PRIM2: variants seen among roughly 807,000 people sequenced by gnomAD.
PRIM2 encodes DNA primase large subunit.
PRIM2 carries 39 observed loss-of-function variants against 67.3 expected under a neutral mutation model. The observed-to-expected ratio is 0.58, with a 90% CI of 0.45 to 0.76. The LOEUF (loss-of-function observed/expected upper bound fraction) is 0.76. Among genes scored for constraint, PRIM2 ranks in the 30% least tolerant of loss-of-function variants. The pLI, the probability that PRIM2 is intolerant of heterozygous loss-of-function variation, is 0.00. For synonymous variants in PRIM2, 143 were observed against 198.7 expected (o/e 0.72, Z 2.36); for missense variants, 398 against 598.7 (o/e 0.66, Z 3.50).
intron 7 of PRIM2, chr6:57,435,286 C>A (rs957869187): frequency 1.3e-5 from 2 of 152,190 alleles, no homozygotes; most frequent in African/African-American, 4.8e-5. Context: ...TTTCTGTGAG[C>A]ACCACAGAAT....
chr6:57,274,537 T>G, the PRIM2 span, among the ~76,000 whole-genome samples: 1 of 152,212 alleles, frequency 6.6e-6, no homozygotes, highest in Admixed American at 6.5e-5. Context: ...ACCCCTTTCT[T>G]TGACTAGGAA....
chr6:57,432,316 A>G lies in PRIM2; in HGVS notation c.693+50148A>G, dbSNP rs1480778172. Among the ~76,000 whole-genome samples, 8 of 152,318 alleles carry G rather than the reference A, an allele frequency of 5.3e-5. 1 individual carries two copies. In the East Asian group the frequency reaches 1.2e-3, roughly 22 times the overall value. ...AAAGGAGGAAATTTCAAAACAGGAT[A>G]TGTATGTGGAAATACTAAGAATTGT... On this transcript the variant is annotated intron_variant, in intron 7 of 13. Coordinates refer to ENST00000615550, the MANE Select transcript of PRIM2 (RefSeq NM_000947.5).
At chr6:57,616,813 C>T (rs1366750791) in intron 12 of PRIM2, among the ~76,000 whole-genome samples, 2,745 of 152,268 alleles carry the variant, frequency 0.018, 90 homozygotes, top group African/African-American at 0.062. Flanking sequence ...CACCTCCTGC[C>T]GCCCCTAGAA....
intron 7 of PRIM2, among the ~76,000 whole-genome samples, chr6:57,460,409 T>C (rs542952190): frequency 1.3e-5 from 2 of 152,260 alleles, no homozygotes; most frequent in South Asian, 2.1e-4. Context: ...CCTTAGAGAA[T>C]TGAAGAGTCT....
chr6:57,462,995 A>G (rs1465126862), intron 7 of PRIM2, among the ~76,000 whole-genome samples: 12 of 152,194 alleles, frequency 7.9e-5, no homozygotes, highest in Non-Finnish European at 1.5e-4. Flanking sequence ...TATTGTTTAT[A>G]TCAGAGCAGG....
In PRIM2 at chr6:57,490,903, G is replaced by A. The variant is rs1554345913; in HGVS notation, c.694-16484G>A. On this transcript the variant is annotated intron_variant, in intron 7 of 13. Coordinates refer to ENST00000615550, the MANE Select transcript of PRIM2 (RefSeq NM_000947.5). ...AGGTGTGAGTCAATGCATCTGGCCC[G>A]GCAGAGACAGAAAATATTGAAGAAA... Among the ~76,000 whole-genome samples the A allele has an allele frequency of 6.6e-5, 10 of 152,240 alleles. No homozygotes were observed. In the East Asian group the frequency reaches 7.7e-4, roughly 12 times the overall value.
chr6:57,367,850 T>C (rs915584039), intron 5 of PRIM2, among the ~76,000 whole-genome samples: 2 of 152,168 alleles, frequency 1.3e-5, no homozygotes, highest in Non-Finnish European at 2.9e-5. Context: ...AAAATAGGCC[T>C]GGGCCTGGCA....
chr6:57,439,924 A>G (rs946690478), intron 7 of PRIM2, among the ~76,000 whole-genome samples: 5 of 152,162 alleles, frequency 3.3e-5, no homozygotes, highest in African/African-American at 1.2e-4. Context: ...TTAAAGTGGA[A>G]GACTTTGGAG....
chr6:57,517,083 T>C (rs1329061918), intron 8 of PRIM2, among the ~76,000 whole-genome samples: 1 of 152,216 alleles, frequency 6.6e-6, no homozygotes, highest in Non-Finnish European at 1.5e-5. Flanking sequence ...GAGCCTTGTA[T>C]GTATGCAGTA....
the PRIM2 span, among the ~76,000 whole-genome samples, chr6:57,307,291 T>C: frequency 1.3e-5 from 2 of 151,972 alleles, no homozygotes; most frequent in Admixed American, 1.3e-4. Context: ...TCTTGCTCTG[T>C]TGCCCAGGCT....
chr6:57,499,767 T>C (rs1401587798), intron 7 of PRIM2, among the ~76,000 whole-genome samples: 2 of 152,204 alleles, frequency 1.3e-5, no homozygotes, highest in Non-Finnish European at 2.9e-5. Context: ...AGAAAGATAA[T>C]ACTTTTTCTT....
At chr6:57,352,711 A>G (rs1184019840) in intron 5 of PRIM2, among the ~76,000 whole-genome samples, 2 of 144,734 alleles carry the variant, frequency 1.4e-5, no homozygotes, top group Non-Finnish European at 3.1e-5. Context: ...ACCCAGTTGT[A>G]TCTGGCACCG....
intron 5 of PRIM2, among the ~76,000 whole-genome samples, chr6:57,337,534 C>T (rs1377107921): frequency 6.6e-6 from 1 of 151,866 alleles, no homozygotes; most frequent in Admixed American, 6.6e-5. Flanking sequence ...TGCAATCAAA[C>T]TAGAACTCAG....
intron 10 of PRIM2, among the ~76,000 whole-genome samples, chr6:57,597,935 C>G (rs1294730740): frequency 6.6e-6 from 1 of 152,090 alleles, no homozygotes; most frequent in African/African-American, 2.4e-5. Context: ...CTACATGATA[C>G]TTTAATTTCA....
intron 12 of PRIM2, among the ~76,000 whole-genome samples, chr6:57,615,212 G>A (rs1481996810): frequency 6.6e-6 from 1 of 151,980 alleles, no homozygotes; most frequent in East Asian, 1.9e-4. Flanking sequence ...GAGCCCAGGA[G>A]TTCGAGACCA....
chr6:57,433,924 G>GTTTT (rs5876563), intron 7 of PRIM2, among the ~76,000 whole-genome samples: 2 of 135,994 alleles, frequency 1.5e-5, no homozygotes, highest in African/African-American at 2.7e-5. Context: ...TCTGTTCCCT[G>GTTTT]TTTTTTTTTT....
chr6:57,507,503 A>C, intron 8 of PRIM2, 49 bp downstream of exon 8: 1 of 1,461,998 alleles, frequency 6.8e-7, no homozygotes, highest in Non-Finnish European at 9.2e-7. Context: ...AAGTGCAGTA[A>C]AGTGAATAAA....
chr6:57,520,657 G>A (rs1388108386), intron 8 of PRIM2, among the ~76,000 whole-genome samples: 1 of 152,126 alleles, frequency 6.6e-6, no homozygotes, highest in East Asian at 1.9e-4. Flanking sequence ...TTTTATTGAG[G>A]TACAATTTAT....
chr6:57,496,862 A>ACT (rs1774015549), intron 7 of PRIM2, among the ~76,000 whole-genome samples: 1 of 152,206 alleles, frequency 6.6e-6, no homozygotes, highest in Non-Finnish European at 1.5e-5. Flanking sequence ...TGTCTCTCTG[A>ACT]ACAGTGGTAG....
Sources: gnomAD v4.1 joint callset for allele counts (sites outside exome capture counted in the v4.1 genomes callset) on GRCh38, gnomAD v4.1.1 for gene constraint, MANE v1.5 for transcripts, NCBI Gene and HGNC (gene_info 2026-07-23, HGNC 2026-07-21) for gene names.